The following NRXN3 variants were observed in gnomAD, a reference collection of about 807,000 sequenced individuals.
The protein encoded by NRXN3 is neurexin 3, also known as neurexin III.
A neutral mutation model predicts 137.6 loss-of-function variants in NRXN3; 32 were observed. The observed-to-expected ratio is 0.23, with a 90% CI of 0.18 to 0.31. The LOEUF is 0.31. Ranked by LOEUF, NRXN3 falls within the 10% of genes least tolerant of loss-of-function variation. The pLI is 1.00. For synonymous variants in NRXN3, 798 were observed against 784.5 expected (o/e 1.02, Z -0.29); for missense variants, 1,574 against 2,062.5 (o/e 0.76, Z 4.59).
chr14:78,562,946 GT>G (rs1161056101), intron 4 of NRXN3, among the ~76,000 whole-genome samples: 2 of 152,150 alleles, frequency 1.3e-5, no homozygotes. Context: ...TCAGTTGAGT[GT>G]TTTTCCACTT....
chr14:79,778,222 C>T (rs946202374), intron 19 of NRXN3, among the ~76,000 whole-genome samples: 2 of 152,126 alleles, frequency 1.3e-5, no homozygotes, highest in African/African-American at 4.8e-5. Context: ...TGAGACCAGC[C>T]CGGCCAGCAT....
intron 4 of NRXN3, among the ~76,000 whole-genome samples, chr14:78,610,197 C>T (rs189746395): frequency 3.3e-5 from 5 of 152,122 alleles, no homozygotes; most frequent in African/African-American, 1.2e-4. Context: ...AACTGACAGC[C>T]CATGCAACTA....
At chr14:78,398,870 G>A (rs1293247870) in intron 4 of NRXN3, among the ~76,000 whole-genome samples, 2 of 152,130 alleles carry the variant, frequency 1.3e-5, no homozygotes, top group Non-Finnish European at 2.9e-5. Context: ...TCCTGGCTTG[G>A]CCTTATCTGA....
intron 16 of NRXN3, among the ~76,000 whole-genome samples, chr14:79,592,130 G>C (rs1219949026): frequency 6.6e-6 from 1 of 152,024 alleles, no homozygotes; most frequent in Non-Finnish European, 1.5e-5. Flanking sequence ...TATCACCATA[G>C]TTTACTTTTT....
At chr14:79,493,500 T>C (rs2096736981) in intron 16 of NRXN3, among the ~76,000 whole-genome samples, 1 of 152,218 alleles carries the variant, frequency 6.6e-6, no homozygotes, top group Admixed American at 6.5e-5. Flanking sequence ...AAATGAGGTA[T>C]GCCTTCCAGC....
intron 16 of NRXN3, among the ~76,000 whole-genome samples, chr14:79,570,799 T>C (rs138810419): frequency 9.8e-5 from 15 of 152,332 alleles, no homozygotes; most frequent in Non-Finnish European, 2.1e-4. Context: ...CAATTGGCTT[T>C]CTGTGAGGGA....
intron 15 of NRXN3, among the ~76,000 whole-genome samples, chr14:79,220,603 C>T (rs966998244): frequency 6.6e-6 from 1 of 152,124 alleles, no homozygotes; most frequent in African/African-American, 2.4e-5. Flanking sequence ...CCCTCCTAAC[C>T]ACTGTCAAGT....
chr14:78,175,057 G>A (rs2059135572), intron 1 of NRXN3, among the ~76,000 whole-genome samples: 1 of 152,160 alleles, frequency 6.6e-6, no homozygotes, highest in Non-Finnish European at 1.5e-5. Flanking sequence ...GGCCGTGAGA[G>A]CAGCCCAGCC....
intron 1 of NRXN3, among the ~76,000 whole-genome samples, chr14:78,224,155 A>G (rs965307813): frequency 6.7e-6 from 1 of 150,344 alleles, no homozygotes; most frequent in Non-Finnish European, 1.5e-5. Flanking sequence ...CTTGGCATCC[A>G]GGACCTTTGG....
At chr14:78,678,163 T>C (rs1212671691) in intron 6 of NRXN3, among the ~76,000 whole-genome samples, 1 of 152,194 alleles carries the variant, frequency 6.6e-6, no homozygotes, top group Non-Finnish European at 1.5e-5. Flanking sequence ...TTAAGCAATA[T>C]ATATTACACT....
At chr14:78,317,026 T>G (rs1319949550) in intron 4 of NRXN3, among the ~76,000 whole-genome samples, 1 of 152,132 alleles carries the variant, frequency 6.6e-6, no homozygotes, top group African/African-American at 2.4e-5. Context: ...CTCACGTGAT[T>G]AGGGAAGCTG....
intron 19 of NRXN3, among the ~76,000 whole-genome samples, chr14:79,746,586 G>C (rs117410344): frequency 6.6e-6 from 1 of 152,226 alleles, no homozygotes; most frequent in East Asian, 1.9e-4. Context: ...CATGTTAGTA[G>C]TAAGTTAAAG....
chr14:78,618,417 C>T (rs903388679), intron 4 of NRXN3, among the ~76,000 whole-genome samples: 18 of 152,124 alleles, frequency 1.2e-4, no homozygotes, highest in African/African-American at 4.1e-4. Context: ...ACCCCGCAAA[C>T]CTACACTGGC....
At chr14:79,100,064 G>A (rs2050993161) in intron 15 of NRXN3, among the ~76,000 whole-genome samples, 1 of 152,208 alleles carries the variant, frequency 6.6e-6, no homozygotes, top group South Asian at 2.1e-4. Flanking sequence ...AAAAGCATTG[G>A]TATTTCCCTT....
At chr14:78,656,330 T>C (rs956829049) in intron 6 of NRXN3, among the ~76,000 whole-genome samples, 1 of 151,928 alleles carries the variant, frequency 6.6e-6, no homozygotes, top group African/African-American at 2.4e-5. Flanking sequence ...TCAGGGAGCA[T>C]CCCAAGGTGA....
intron 4 of NRXN3, among the ~76,000 whole-genome samples, chr14:78,586,302 G>A (rs964163703): frequency 6.6e-6 from 1 of 152,064 alleles, no homozygotes. Context: ...GAGGCATCCA[G>A]CAAAGGAAGC....
Position 79,679,493 on chromosome 14 carries a change from A to G in NRXN3, c.3617-12680A>G, listed in dbSNP as rs1322526048. ...ACCTTTCTGAACATCGAAAACTTCA[A>G]AGCTAATAGTTTAATAGTTTGTTGG... On this transcript the variant is annotated intron_variant, in intron 17 of 20. Coordinates refer to ENST00000335750, the MANE Select transcript of NRXN3 (RefSeq NM_001330195.2). Among the ~76,000 whole-genome samples, 6 of 152,172 alleles carry G rather than the reference A, an allele frequency of 3.9e-5. No individual in the cohort carries two copies. The East Asian group carries it at 1.2e-3, about 29-fold the overall frequency.
At chr14:79,355,688 ATT>A (rs1320084773) in intron 15 of NRXN3, among the ~76,000 whole-genome samples, 1 of 152,086 alleles carries the variant, frequency 6.6e-6, no homozygotes, top group Non-Finnish European at 1.5e-5. Flanking sequence ...AATATTAATG[ATT>A]TTCTTGGCTT....
chr14:78,463,865 C>T lies in NRXN3; in HGVS notation c.757+166005C>T, dbSNP rs969135473. ...AGGGACACTGGCCTCCTCCAGCCAG[C>T]CACATATTATTTTATATATATTATT... On this transcript the variant is annotated intron_variant, in intron 4 of 20. Coordinates refer to ENST00000335750, the MANE Select transcript of NRXN3 (RefSeq NM_001330195.2). Among the ~76,000 whole-genome samples the T allele has an allele frequency of 2.5e-4, 38 of 151,002 alleles. No individual in the cohort carries two copies. The East Asian group carries it at 5.8e-3, about 23-fold the overall frequency.
Sources: gnomAD v4.1 joint callset for allele counts (sites outside exome capture counted in the v4.1 genomes callset) on GRCh38, gnomAD v4.1.1 for gene constraint, MANE v1.5 for transcripts, NCBI Gene and HGNC (gene_info 2026-07-23, HGNC 2026-07-21) for gene names.